GALNT17: variants seen among roughly 807,000 people sequenced by gnomAD.
The protein encoded by GALNT17 is polypeptide N-acetylgalactosaminyltransferase 17, also known as UDP-GalNAc:polypeptide N-acetylgalactosaminyltransferase-like 3.
In GALNT17, 29 loss-of-function variants were observed where a neutral mutation model predicts 63.7. That is an observed-to-expected ratio of 0.46 (90% CI 0.34 to 0.62). The LOEUF (loss-of-function observed/expected upper bound fraction) is 0.62, where lower values mean the gene tolerates loss of function less well. Ranked by LOEUF, GALNT17 falls within the 20% of genes least tolerant of loss-of-function variation. The probability of loss-of-function intolerance (pLI) is 0.01; values close to 1 mark genes in which losing one functional copy is unlikely to be tolerated. For synonymous variants in GALNT17, 305 were observed against 318.3 expected (o/e 0.96, Z 0.45); for missense variants, 603 against 799.6 (o/e 0.75, Z 2.97).
chr7:71,392,951 C>T lies in GALNT17; in HGVS notation c.589+4550C>T, dbSNP rs191925762. ...TTCTACGTCTATTTAAAAAGACCCCCACACACTGTAATCATGGAATTGAAT... is the reference window on the plus strand; with the variant it reads ...TTCTACGTCTATTTAAAAAGACCCCTACACACTGTAATCATGGAATTGAAT... On this transcript the variant is annotated intron_variant, in intron 3 of 10. Transcript: ENST00000333538. Among the ~76,000 whole-genome samples, 263 of 152,278 alleles carry T rather than the reference C, an allele frequency of 1.7e-3. 2 individuals are homozygous for T. The highest frequency in any genetic ancestry group is 2.9e-3 in the Non-Finnish European group (195 of 68,026).
chr7:71,480,461 A>G (rs1359357238), intron 5 of GALNT17, among the ~76,000 whole-genome samples: 2 of 152,056 alleles, frequency 1.3e-5, no homozygotes, highest in African/African-American at 4.8e-5. Flanking sequence ...CATCCTCTGC[A>G]ATGCCTCGAA....
At chr7:71,421,604 C>T (rs925380702) in intron 5 of GALNT17, among the ~76,000 whole-genome samples, 7 of 152,016 alleles carry the variant, frequency 4.6e-5, no homozygotes, top group Non-Finnish European at 5.9e-5. Context: ...AGCTGCCTCT[C>T]GGGATATGGA....
chr7:71,289,604 G>T (rs1790940047), intron 1 of GALNT17, among the ~76,000 whole-genome samples: 1 of 151,064 alleles, frequency 6.6e-6, no homozygotes, highest in South Asian at 2.1e-4. Context: ...GATGGACCGG[G>T]TGCAACGGCT....
chr7:71,138,425 G>C (rs559896406), intron 1 of GALNT17, among the ~76,000 whole-genome samples: 42 of 152,244 alleles, frequency 2.8e-4, no homozygotes, highest in South Asian at 1.0e-3. Flanking sequence ...CATTGAGTAG[G>C]TGAGGAGGAG....
rs143735244 is a variant in GALNT17 at position 71,228,762 on chromosome 7, C to T, written c.238+95722C>T. Among the ~76,000 whole-genome samples the T allele has an allele frequency of 2.0e-5, 3 of 152,230 alleles. No homozygotes were observed. The East Asian group carries it at 5.8e-4, about 29-fold the overall frequency. On this transcript the variant is annotated intron_variant, in intron 1 of 10. Coordinates refer to ENST00000333538, the MANE Select transcript of GALNT17 (RefSeq NM_022479.3). Reference sequence around the variant, plus strand: ...AAAAACTTGTGGTTGCATTTTGGGCCCCTTTGGATAATCCAGGCTAATGTC... The same window carrying T: ...AAAAACTTGTGGTTGCATTTTGGGCTCCTTTGGATAATCCAGGCTAATGTC...
chr7:71,492,336 A>G (rs1179935047), intron 5 of GALNT17, among the ~76,000 whole-genome samples: 2 of 152,176 alleles, frequency 1.3e-5, no homozygotes, highest in Admixed American at 6.5e-5. Flanking sequence ...ATGATTTGGA[A>G]TAGTGTTCAT....
At chr7:71,478,195 G>A (rs1787755704) in intron 5 of GALNT17, among the ~76,000 whole-genome samples, 1 of 152,146 alleles carries the variant, frequency 6.6e-6, no homozygotes, top group Non-Finnish European at 1.5e-5. Flanking sequence ...GAAAAATAAA[G>A]GCACACTGGC....
rs188418377 is a variant in GALNT17 at position 71,641,863 on chromosome 7, A to C, written c.1081-23548A>C. ...GGTGAGGATGCTGCTGCTGCTGCTG[A>C]TGATGATGATGTTCTTGATAGTAAT... On this transcript the variant is annotated intron_variant, in intron 6 of 10. Coordinates refer to ENST00000333538, the MANE Select transcript of GALNT17 (RefSeq NM_022479.3). 1.4e-3 allele frequency among the ~76,000 whole-genome samples: 209 copies of C among 152,248 alleles called. 1 individual carries two copies. Among genetic ancestry groups the C allele is most frequent in the African/African-American group, 4.3e-3 (179 of 41,542 alleles).
chr7:71,707,224 A>G (rs1052709467), intron 9 of GALNT17, among the ~76,000 whole-genome samples: 1 of 152,172 alleles, frequency 6.6e-6, no homozygotes, highest in Non-Finnish European at 1.5e-5. Context: ...GATGCCATTC[A>G]CCACAGTTAT....
chr7:71,540,437 G>T (rs1788870583), intron 5 of GALNT17, among the ~76,000 whole-genome samples: 1 of 151,814 alleles, frequency 6.6e-6, no homozygotes, highest in Admixed American at 6.6e-5. Context: ...CTTTTTAACA[G>T]TTAAATGTCA....
At chr7:71,254,021 C>T (rs964080648) in intron 1 of GALNT17, among the ~76,000 whole-genome samples, 10 of 152,128 alleles carry the variant, frequency 6.6e-5, no homozygotes, top group Non-Finnish European at 1.2e-4. Context: ...CTGGTTACAA[C>T]TTGGTTTTAT....
chr7:71,691,888 C>CTTCA (rs147847274), intron 9 of GALNT17, among the ~76,000 whole-genome samples: 2 of 1,370 alleles, frequency 1.5e-3, no homozygotes, highest in Non-Finnish European at 3.8e-3. Flanking sequence ...TCCTTCCTTT[C>CTTCA]TTCCTTCCTT....
chr7:71,482,902 T>C (rs1379246480), intron 5 of GALNT17, among the ~76,000 whole-genome samples: 1 of 152,130 alleles, frequency 6.6e-6, no homozygotes, highest in African/African-American at 2.4e-5. Context: ...TTCATGCTCC[T>C]ATGAGAATCT....
intron 1 of GALNT17, among the ~76,000 whole-genome samples, chr7:71,170,002 A>C (rs902512578): frequency 2.0e-5 from 3 of 150,862 alleles, no homozygotes; most frequent in Non-Finnish European, 4.4e-5. Flanking sequence ...GGGTCTTGCT[A>C]TGCTGTCAAG....
At chr7:71,347,023 A>G (rs982559499) in intron 2 of GALNT17, among the ~76,000 whole-genome samples, 2 of 152,082 alleles carry the variant, frequency 1.3e-5, no homozygotes, top group Non-Finnish European at 2.9e-5. Context: ...TATACCGAGG[A>G]GGAACGTTAT....
chr7:71,431,128 G>GT (rs1232197364), intron 5 of GALNT17, among the ~76,000 whole-genome samples: 4 of 151,500 alleles, frequency 2.6e-5, no homozygotes, highest in African/African-American at 9.7e-5. Context: ...TATGTGTCAG[G>GT]TACAGTTCTT....
intron 5 of GALNT17, among the ~76,000 whole-genome samples, chr7:71,433,502 G>A (rs1160557809): frequency 1.3e-5 from 2 of 152,228 alleles, no homozygotes; most frequent in African/African-American, 2.4e-5. Flanking sequence ...CAGCAAGCAG[G>A]TGAATTATGT....
At chr7:71,219,000 A>G (rs13244421) in intron 1 of GALNT17, among the ~76,000 whole-genome samples, 56,618 of 151,872 alleles carry the variant, frequency 0.37, 10,890 homozygotes, top group South Asian at 0.53. Context: ...TGGACAAATT[A>G]TCTTCTATGA....
chr7:71,346,463 C>T (rs900564103), intron 2 of GALNT17, among the ~76,000 whole-genome samples: 1 of 151,990 alleles, frequency 6.6e-6, no homozygotes, highest in African/African-American at 2.4e-5. Context: ...AATTTAACTG[C>T]TCTCTGAAAT....
Sources: allele counts gnomAD v4.1 joint callset (sites outside exome capture counted in the v4.1 genomes callset), GRCh38; gene constraint gnomAD v4.1.1; transcripts MANE v1.5; gene names NCBI Gene and HGNC (gene_info 2026-07-23, HGNC 2026-07-21).